Variants in CCSER1 observed in about 807,000 individuals in gnomAD.
CCSER1 encodes the protein serine-rich coiled-coil domain-containing protein 1.
CCSER1 carries 41 observed loss-of-function variants against 82.0 expected under a neutral mutation model. That is an observed-to-expected ratio of 0.50 (90% CI 0.39 to 0.65). CCSER1 has a LOEUF of 0.65. Among genes scored for constraint, CCSER1 ranks in the 30% least tolerant of loss-of-function variants. CCSER1 has a pLI of 0.00. For synonymous variants in CCSER1, 414 were observed against 383.9 expected (o/e 1.08, Z -0.92); for missense variants, 1,119 against 1,064.2 (o/e 1.05, Z -0.72).
At chr4:90,433,752 T>C (rs1464375187) in intron 4 of CCSER1, among the ~76,000 whole-genome samples, 1 of 152,022 alleles carries the variant, frequency 6.6e-6, no homozygotes, top group Non-Finnish European at 1.5e-5. Flanking sequence ...TTCTATCTTT[T>C]CTTCTAATAA....
At chr4:91,203,023 G>A (rs1736057415) in intron 10 of CCSER1, among the ~76,000 whole-genome samples, 1 of 151,744 alleles carries the variant, frequency 6.6e-6, no homozygotes, top group Non-Finnish European at 1.5e-5. Flanking sequence ...ATTTGATGTT[G>A]ACCTTCATAA....
chr4:91,500,741 C>A (rs1759166932), intron 10 of CCSER1, among the ~76,000 whole-genome samples: 1 of 151,890 alleles, frequency 6.6e-6, no homozygotes, highest in African/African-American at 2.4e-5. Context: ...ATGTAGATAA[C>A]AATAAAACAC....
At chr4:90,855,963 A>G (rs983077539) in intron 8 of CCSER1, among the ~76,000 whole-genome samples, 2 of 152,108 alleles carry the variant, frequency 1.3e-5, no homozygotes, top group Non-Finnish European at 2.9e-5. Flanking sequence ...CAACTAATTT[A>G]TATATTAATA....
At chr4:91,218,508 C>T (rs988580780) in intron 10 of CCSER1, among the ~76,000 whole-genome samples, 6 of 152,218 alleles carry the variant, frequency 3.9e-5, no homozygotes, top group East Asian at 1.9e-4. Context: ...AGGGCTCTGA[C>T]GACTGCCAGC....
intron 9 of CCSER1, among the ~76,000 whole-genome samples, chr4:91,039,829 A>G (rs1741806894): frequency 6.6e-6 from 1 of 152,162 alleles, no homozygotes; most frequent in Non-Finnish European, 1.5e-5. Context: ...AATTGTATCT[A>G]TAAGGACAGT....
intron 10 of CCSER1, among the ~76,000 whole-genome samples, chr4:91,248,891 T>C (rs1169473908): frequency 6.6e-6 from 1 of 152,174 alleles, no homozygotes; most frequent in Non-Finnish European, 1.5e-5. Context: ...TTGGTAACTC[T>C]ATTCTAAAAT....
intron 10 of CCSER1, among the ~76,000 whole-genome samples, chr4:91,547,781 GTTTTT>G (rs1247803147): frequency 2.6e-5 from 4 of 151,386 alleles, no homozygotes; most frequent in Non-Finnish European, 5.9e-5. Context: ...TGAGTTTTTT[GTTTTT>G]TTGTTTGTTT....
At chr4:90,515,355 A>G (rs1772124346) in intron 5 of CCSER1, among the ~76,000 whole-genome samples, 1 of 152,196 alleles carries the variant, frequency 6.6e-6, no homozygotes, top group African/African-American at 2.4e-5. Flanking sequence ...ATGGTTCACA[A>G]GTTTTACATG....
At chr4:91,229,332 T>G (rs1560531005) in intron 10 of CCSER1, among the ~76,000 whole-genome samples, 1 of 150,586 alleles carries the variant, frequency 6.6e-6, no homozygotes, top group African/African-American at 2.4e-5. Context: ...ATAAGTATAT[T>G]ACTTCTAGAT....
chr4:90,427,166 A>G (rs527571248), intron 4 of CCSER1, among the ~76,000 whole-genome samples: 46 of 152,120 alleles, frequency 3.0e-4, no homozygotes, highest in Non-Finnish European at 5.6e-4. Context: ...ACTAATATAG[A>G]TAGTTTTCCT....
chr4:90,585,446 C>T (rs377665224), intron 5 of CCSER1, among the ~76,000 whole-genome samples: 21 of 152,028 alleles, frequency 1.4e-4, no homozygotes, highest in East Asian at 7.7e-4. Flanking sequence ...GTGACAATAA[C>T]AGGAAAGGCT....
At chr4:90,866,844 A>C (rs1290723429) in intron 8 of CCSER1, among the ~76,000 whole-genome samples, 2 of 152,010 alleles carry the variant, frequency 1.3e-5, no homozygotes, top group African/African-American at 2.4e-5. Flanking sequence ...GATTCTCATA[A>C]GGAGCCTGCA....
intron 9 of CCSER1, among the ~76,000 whole-genome samples, chr4:91,010,902 G>T (rs1738954076): frequency 7.5e-6 from 1 of 134,228 alleles, no homozygotes; most frequent in Non-Finnish European, 1.7e-5. Context: ...TTCCCTTTCT[G>T]GAAATTTGTA....
At chr4:90,435,357 GTAAAATAAAAA>G (rs1758859146) in intron 4 of CCSER1, among the ~76,000 whole-genome samples, 1 of 151,914 alleles carries the variant, frequency 6.6e-6, no homozygotes, top group Non-Finnish European at 1.5e-5. Flanking sequence ...TTACTTCTTA[GTAAAATAAAAA>G]TAAAAGAAAC....
At chr4:91,568,813 T>C (rs1763023253) in intron 10 of CCSER1, among the ~76,000 whole-genome samples, 1 of 151,946 alleles carries the variant, frequency 6.6e-6, no homozygotes, top group African/African-American at 2.4e-5. Context: ...GATTTTTTTT[T>C]CTATCCATAT....
chr4:90,730,781 A>T (rs1174194000), intron 7 of CCSER1, among the ~76,000 whole-genome samples: 1 of 152,192 alleles, frequency 6.6e-6, no homozygotes, highest in African/African-American at 2.4e-5. Flanking sequence ...TGAGAATAAC[A>T]ACTGCAAAAG....
chr4:90,256,133 G>T (rs1046425407), intron 1 of CCSER1, among the ~76,000 whole-genome samples: 1 of 151,980 alleles, frequency 6.6e-6, no homozygotes, highest in African/African-American at 2.4e-5. Context: ...CATGTTTATT[G>T]ACCCTGTTCC....
chr4:91,439,430 C>T (rs1276242115), intron 10 of CCSER1, among the ~76,000 whole-genome samples: 1 of 152,028 alleles, frequency 6.6e-6, no homozygotes, highest in Non-Finnish European at 1.5e-5. Flanking sequence ...CAAGCAAATG[C>T]TGAGAGACTT....
chr4:90,929,897 T>C (rs1375614904), intron 9 of CCSER1, among the ~76,000 whole-genome samples: 1 of 152,130 alleles, frequency 6.6e-6, no homozygotes, highest in Non-Finnish European at 1.5e-5. Context: ...AAAAGATAAG[T>C]AATGGGATGG....
Sources: allele counts gnomAD v4.1 joint callset (sites outside exome capture counted in the v4.1 genomes callset), GRCh38; gene constraint gnomAD v4.1.1; transcripts MANE v1.5; gene names NCBI Gene and HGNC (gene_info 2026-07-23, HGNC 2026-07-21).